Variants in FRAS1 observed in about 807,000 individuals in gnomAD.
FRAS1 encodes the protein extracellular matrix organizing protein FRAS1.
FRAS1 carries 290 observed loss-of-function variants against 435.2 expected under a neutral mutation model. The ratio of observed to expected loss-of-function variants is 0.67; its 90% CI spans 0.61 to 0.73. FRAS1 has a LOEUF of 0.73. Among genes scored for constraint, FRAS1 ranks in the 30% least tolerant of loss-of-function variants. The probability of loss-of-function intolerance (pLI) is 0.00; values close to 1 mark genes in which losing one functional copy is unlikely to be tolerated. For missense variants in FRAS1, 4,860 were observed against 5,001.5 expected (o/e 0.97, Z 0.85); for synonymous variants, 1,800 against 1,851.0 (o/e 0.97, Z 0.71).
intron 13 of FRAS1, 187 bp from the exon 14 acceptor site, chr4:78,286,218 G>C (rs988573142): frequency 1.4e-6 from 1 of 718,308 alleles, no homozygotes; most frequent in Admixed American, 2.0e-5. Flanking sequence ...TATACGTAAA[G>C]CACTTCAAAC....
chr4:78,380,306 A>G (rs1278823549), intron 27 of FRAS1, among the ~76,000 whole-genome samples: 1 of 151,290 alleles, frequency 6.6e-6, no homozygotes, highest in Non-Finnish European at 1.5e-5. Flanking sequence ...ATATAACTAG[A>G]TGTTACAGCT....
intron 9 of FRAS1, among the ~76,000 whole-genome samples, chr4:78,270,628 A>G (rs781743449): frequency 6.2e-5 from 9 of 144,668 alleles, no homozygotes; most frequent in Non-Finnish European, 1.3e-4. Flanking sequence ...TTTTGTCTGT[A>G]TGTATTTTAG....
intron 2 of FRAS1, among the ~76,000 whole-genome samples, chr4:78,104,575 G>A (rs559940101): frequency 3.9e-5 from 6 of 152,148 alleles, no homozygotes; most frequent in Admixed American, 1.3e-4. Context: ...ACTTGCTTTC[G>A]TGTTGCCTGT....
At chr4:78,384,990 C>T (rs1732168071) in intron 28 of FRAS1, among the ~76,000 whole-genome samples, 1 of 151,114 alleles carries the variant, frequency 6.6e-6, no homozygotes, top group South Asian at 2.1e-4. Context: ...GTGGAATTTG[C>T]AGCAGTTAGA....
intron 9 of FRAS1, among the ~76,000 whole-genome samples, chr4:78,273,729 A>G (rs1726840317): frequency 6.6e-6 from 1 of 152,188 alleles, no homozygotes; most frequent in African/African-American, 2.4e-5. Context: ...TATTTTATTG[A>G]GGATTTTTTC....
chr4:78,233,153 G>T (rs1724587992), intron 2 of FRAS1, among the ~76,000 whole-genome samples: 1 of 152,178 alleles, frequency 6.6e-6, no homozygotes, highest in African/African-American at 2.4e-5. Flanking sequence ...GTGCAGAGAA[G>T]AACTCACCTC....
chr4:78,500,087 G>A (rs959122314), intron 61 of FRAS1, among the ~76,000 whole-genome samples, 166 bp downstream of exon 61: 2 of 152,072 alleles, frequency 1.3e-5, no homozygotes, highest in African/African-American at 2.4e-5. Context: ...TTTCTAATTC[G>A]TAAAAATGAC....
At chr4:78,460,352 G>T (rs1719332318) in intron 47 of FRAS1, among the ~76,000 whole-genome samples, 1 of 152,152 alleles carries the variant, frequency 6.6e-6, no homozygotes, top group African/African-American at 2.4e-5. Flanking sequence ...TAGCCAGCAG[G>T]TTAGTGATTG....
At chr4:78,209,659 C>G (rs1362426174) in intron 2 of FRAS1, among the ~76,000 whole-genome samples, 1 of 152,154 alleles carries the variant, frequency 6.6e-6, no homozygotes, top group Admixed American at 6.5e-5. Flanking sequence ...GCCCTTTTCT[C>G]TGAGGTTTGT....
At chr4:78,363,849 G>A in intron 21 of FRAS1, 59 bp from the exon 22 acceptor site, 4 of 1,554,732 alleles carry the variant, frequency 2.6e-6, no homozygotes, top group Non-Finnish European at 3.5e-6. Flanking sequence ...CACTTGGGGT[G>A]CTGCTTTGGA....
intron 27 of FRAS1, 112 bp from the exon 28 acceptor site, chr4:78,383,946 GT>G: frequency 1.4e-6 from 1 of 723,496 alleles, no homozygotes; most frequent in Non-Finnish European, 2.3e-6. Flanking sequence ...TACTGCAGCA[GT>G]TTGATCCAAA....
chr4:78,393,340 C>G (rs1243978781), intron 29 of FRAS1, among the ~76,000 whole-genome samples: 1 of 151,996 alleles, frequency 6.6e-6, no homozygotes, highest in Non-Finnish European at 1.5e-5. Context: ...GTATCTACTG[C>G]AGGTTTTTCT....
Position 78,477,870 on chromosome 4 carries a change from A to G in FRAS1, c.7907A>G (p.Asp2636Gly). The part of the protein sequence containing the change: ...TKSCTIVIND[D>G]DVFENVESFT... ...TCCTGCACCATTGTCATCAACGATG[A>G]TGACGTGTTTGAAAATGTTGAGAGT... The change falls in exon 55 of 74, where the codon GAT becomes GGT. Residue 2636 changes from aspartate to glycine, a missense_variant. Transcript: ENST00000512123. 2.5e-6 allele frequency: 4 copies of G among 1,613,644 alleles called. No individual in the cohort carries two copies. The highest frequency in any genetic ancestry group is 3.4e-6 in the Non-Finnish European group (4 of 1,179,772).
At chr4:78,512,360 A>T (rs1274584327) in intron 64 of FRAS1, among the ~76,000 whole-genome samples, 3 of 152,188 alleles carry the variant, frequency 2.0e-5, no homozygotes, top group African/African-American at 4.8e-5. Context: ...ACACAATAAA[A>T]TGTATCTTGG....
intron 2 of FRAS1, among the ~76,000 whole-genome samples, chr4:78,152,280 G>A (rs974403939): frequency 6.6e-6 from 1 of 152,132 alleles, no homozygotes; most frequent in African/African-American, 2.4e-5. Flanking sequence ...GGCAGGGTGT[G>A]TCTTAAGGCA....
intron 4 of FRAS1, among the ~76,000 whole-genome samples, chr4:78,249,899 A>G (rs1330137017): frequency 6.6e-6 from 1 of 152,124 alleles, no homozygotes; most frequent in East Asian, 1.9e-4. Flanking sequence ...TAGTAACAAA[A>G]GTTCTTGTTT....
intron 70 of FRAS1, 38 bp downstream of exon 70, chr4:78,526,695 C>T (rs1721544733): frequency 7.7e-7 from 1 of 1,301,096 alleles, no homozygotes; most frequent in Admixed American, 2.9e-5. Context: ...TTTGTTGATT[C>T]CTTATTTGTG....
At chr4:78,476,764 G>A (rs1020520349) in intron 54 of FRAS1, among the ~76,000 whole-genome samples, 4 of 152,048 alleles carry the variant, frequency 2.6e-5, no homozygotes, top group African/African-American at 9.7e-5. Context: ...AAAATATGAA[G>A]CTTAATAAAA....
At chr4:78,196,048 C>T (rs1203388574) in intron 2 of FRAS1, among the ~76,000 whole-genome samples, 3 of 151,876 alleles carry the variant, frequency 2.0e-5, no homozygotes, top group African/African-American at 7.3e-5. Flanking sequence ...TGCTCTGTCA[C>T]CCAGGCTGGA....
Sources: gnomAD v4.1 joint callset for allele counts (sites outside exome capture counted in the v4.1 genomes callset) on GRCh38, gnomAD v4.1.1 for gene constraint, MANE v1.5 for transcripts, NCBI Gene and HGNC (gene_info 2026-07-23, HGNC 2026-07-21) for gene names.